AVEN: variants seen among roughly 807,000 people sequenced by gnomAD.
AVEN encodes apoptosis and caspase activation inhibitor, also known as cell death regulator Aven.
A neutral mutation model predicts 38.1 loss-of-function variants in AVEN; 41 were observed. That is an observed-to-expected ratio of 1.08 (90% CI 0.84 to 1.40). The LOEUF is 1.40. Among genes scored for constraint, AVEN ranks in the 40% most tolerant of loss-of-function variants. AVEN has a pLI of 0.00. For synonymous variants in AVEN, 206 were observed against 171.8 expected, an observed-to-expected ratio of 1.20 and a Z score of -1.56; for missense variants, 605 against 438.8, an observed-to-expected ratio of 1.38 and a Z score of -3.38.
chr15:33,886,015 T>C (rs187682049), intron 2 of AVEN, among the ~76,000 whole-genome samples: 8 of 152,290 alleles, frequency 5.3e-5, no homozygotes, highest in African/African-American at 1.2e-4. Context: ...AGATCAGTCT[T>C]TGGATGGGCA....
At chr15:33,894,110 C>T (rs1433962379) in intron 2 of AVEN, among the ~76,000 whole-genome samples, 4 of 151,912 alleles carry the variant, frequency 2.6e-5, no homozygotes, top group African/African-American at 4.8e-5. Flanking sequence ...CAACCACACC[C>T]GGCTAATTTT....
intron 2 of AVEN, among the ~76,000 whole-genome samples, chr15:33,938,502 C>A (rs903572216): frequency 1.3e-5 from 2 of 151,976 alleles, no homozygotes; most frequent in East Asian, 3.9e-4. Context: ...AACCTATGTT[C>A]AACAACAGAC....
At chr15:33,925,273 G>A (rs1379798480) in intron 2 of AVEN, among the ~76,000 whole-genome samples, 1 of 152,144 alleles carries the variant, frequency 6.6e-6, no homozygotes, top group Non-Finnish European at 1.5e-5. Flanking sequence ...AATGATTAAT[G>A]TTAGCATTAG....
chr15:33,919,474 CA>C (rs764791665), intron 2 of AVEN, among the ~76,000 whole-genome samples: 2 of 152,088 alleles, frequency 1.3e-5, no homozygotes, highest in African/African-American at 4.8e-5. Context: ...TAGAAATGCC[CA>C]GGTTCTACCC....
Position 33,904,741 on chromosome 15 carries a change from T to A in AVEN, c.446-28746A>T, listed in dbSNP as rs12903366. 2.7e-4 allele frequency among the ~76,000 whole-genome samples: 40 copies of A among 150,276 alleles called. 1 individual carries two copies. Among genetic ancestry groups the A allele is most frequent in the South Asian group, 6.3e-4 (3 of 4,734 alleles). On this transcript the variant is annotated intron_variant, in intron 2 of 5. Transcript: ENST00000306730. ...TACACACACACACGAATATGCACGC[T>A]TGCACACACATGCACACACATATAT...
intron 2 of AVEN, among the ~76,000 whole-genome samples, chr15:33,876,435 G>GCCTATAACAGTA (rs71117188): frequency 1.3e-5 from 2 of 151,712 alleles, no homozygotes; most frequent in African/African-American, 2.4e-5. Context: ...AGCTGGGCGT[G>GCCTATAACAGTA]GTGGCACGTG....
chr15:34,042,044 C>G (rs999445992), upstream of AVEN, among the ~76,000 whole-genome samples: 2 of 152,308 alleles, frequency 1.3e-5, no homozygotes, highest in African/African-American at 4.8e-5. Context: ...GCGGACACAA[C>G]TAGCCAAAGT....
At chr15:33,869,771 T>A (rs559758090) in intron 4 of AVEN, among the ~76,000 whole-genome samples, 3 of 152,244 alleles carry the variant, frequency 2.0e-5, no homozygotes, top group East Asian at 3.8e-4. Context: ...AGAAGGAAGT[T>A]GATAATTTCA....
At chr15:33,892,000 G>A (rs1023846564) in intron 2 of AVEN, among the ~76,000 whole-genome samples, 9 of 152,104 alleles carry the variant, frequency 5.9e-5, no homozygotes, top group Admixed American at 2.6e-4. Flanking sequence ...GCATTTTTTC[G>A]TGTGTCTGTT....
chr15:33,989,422 T>A (rs8042524), intron 2 of AVEN, among the ~76,000 whole-genome samples: 1 of 151,224 alleles, frequency 6.6e-6, no homozygotes, highest in African/African-American at 2.4e-5. Context: ...GGAGGTATTA[T>A]TTCTAACAGC....
At chr15:33,969,312 C>A (rs1471843936) in intron 2 of AVEN, among the ~76,000 whole-genome samples, 9 of 151,898 alleles carry the variant, frequency 5.9e-5, no homozygotes, top group Admixed American at 2.6e-4. Context: ...GCTGCATAAA[C>A]AAGTCACTCA....
chr15:33,996,887 G>C (rs970831832), intron 2 of AVEN, among the ~76,000 whole-genome samples: 3 of 152,190 alleles, frequency 2.0e-5, no homozygotes, highest in Non-Finnish European at 4.4e-5. Context: ...GGCTTCGGAA[G>C]GCTGGTAATA....
intron 2 of AVEN, among the ~76,000 whole-genome samples, chr15:33,924,158 AT>A (rs1893521905): frequency 6.6e-6 from 1 of 151,896 alleles, no homozygotes; most frequent in Admixed American, 6.6e-5. Flanking sequence ...AATGCATAGT[AT>A]TTCTGTCTCC....
At chr15:33,967,733 T>G (rs1159514680) in intron 2 of AVEN, among the ~76,000 whole-genome samples, 1 of 151,890 alleles carries the variant, frequency 6.6e-6, no homozygotes, top group Non-Finnish European at 1.5e-5. Context: ...GAATTTTAAA[T>G]TTAAAAACTG....
intron 4 of AVEN, chr15:34,065,038 A>C (rs1437828396): frequency 2.4e-5 from 4 of 167,018 alleles, no homozygotes; most frequent in African/African-American, 9.6e-5. Flanking sequence ...GGTCATACCC[A>C]GTCCTTTCAA....
chr15:34,019,176 T>C (rs1052596632), intron 1 of AVEN, among the ~76,000 whole-genome samples: 3 of 152,238 alleles, frequency 2.0e-5, no homozygotes, highest in Non-Finnish European at 2.9e-5. Flanking sequence ...TCCAGCTGGC[T>C]TCACCGCTTA....
At chr15:33,860,150 A>T (rs2080182282) in intron 11 of AVEN, among the ~76,000 whole-genome samples, 1 of 152,164 alleles carries the variant, frequency 6.6e-6, no homozygotes, top group African/African-American at 2.4e-5. Flanking sequence ...TTGGAGAAAG[A>T]TGATAAATTT....
chr15:33,992,344 T>C (rs548943141), intron 2 of AVEN, among the ~76,000 whole-genome samples: 1 of 151,818 alleles, frequency 6.6e-6, no homozygotes. Flanking sequence ...GAGCCGAGAT[T>C]GCGCCACTGC....
chr15:33,950,461 C>T (rs1894696809), intron 2 of AVEN, among the ~76,000 whole-genome samples: 1 of 152,024 alleles, frequency 6.6e-6, no homozygotes. Context: ...TAAATAGATA[C>T]AATTTTTATA....
Sources: allele counts gnomAD v4.1 joint callset (sites outside exome capture counted in the v4.1 genomes callset), GRCh38; gene constraint gnomAD v4.1.1; transcripts MANE v1.5; gene names NCBI Gene and HGNC (gene_info 2026-07-23, HGNC 2026-07-21).